Variants in CEP164 observed in about 807,000 individuals in gnomAD.
The protein encoded by CEP164 is centrosomal protein of 164 kDa.
CEP164 carries 162 observed loss-of-function variants against 182.7 expected under a neutral mutation model. That is an observed-to-expected ratio of 0.89 (90% CI 0.78 to 1.01). The LOEUF (loss-of-function observed/expected upper bound fraction) is 1.01, where lower values mean the gene tolerates loss of function less well. CEP164 is among the 50% of genes least tolerant of loss of function. The pLI, the probability that CEP164 is intolerant of heterozygous loss-of-function variation, is 0.00. For missense variants in CEP164, 1,735 were observed against 1,790.4 expected (o/e 0.97, Z 0.56); for synonymous variants, 661 against 690.0 (o/e 0.96, Z 0.66).
At chr11:117,392,811 C>T (rs1248025724) in intron 19 of CEP164, among the ~76,000 whole-genome samples, 184 bp downstream of exon 19, 1 of 152,128 alleles carries the variant, frequency 6.6e-6, no homozygotes, top group Non-Finnish European at 1.5e-5. Context: ...ATCTGATGCC[C>T]CTGTATGCAT....
In CEP164 at chr11:117,409,757, C is replaced by T. The variant is rs2047118133; in HGVS notation, c.3888C>T (p.Ser1296=). The T allele has an allele frequency of 8.7e-6, 14 of 1,613,942 alleles. No individual in the cohort carries two copies. The highest frequency in any genetic ancestry group is 1.7e-5 in the Admixed American group (1 of 60,008). Residue 1296 remains serine, a synonymous_variant, in exon 30 of 33, where the codon TCC becomes TCT. Coordinates refer to ENST00000278935, the MANE Select transcript of CEP164 (RefSeq NM_014956.5). The surrounding 1 kb of genome is among the most constrained non-coding windows in gnomAD (Gnocchi z 4.4). Reference sequence around the variant, plus strand: ...AGTCGCCGCCGCCGCTCCTCGCCTCCATGCCAGCCCAGCTCCCTCCCCGGG... The same window carrying T: ...AGTCGCCGCCGCCGCTCCTCGCCTCTATGCCAGCCCAGCTCCCTCCCCGGG... The part of the protein sequence containing the change: ...NPQSPPPLLA[S]MPAQLPPRDP...
At position 117,382,942 on chromosome 11, in the gene CEP164, T is replaced by C. The variant is rs1292081688; in HGVS notation, c.1724T>C (p.Val575Ala). The C allele has an allele frequency of 1.1e-5, 18 of 1,612,052 alleles. No individual in the cohort carries two copies. Among genetic ancestry groups the C allele is most frequent in the Non-Finnish European group, 1.5e-5 (18 of 1,179,288 alleles). Residue 575 changes from valine to alanine, a missense_variant and splice_region_variant, in exon 14 of 33, where the codon GTG becomes GCG. Val to Ala is a moderately conservative substitution (Grantham distance 64). Transcript: ENST00000278935. ...CCCACCCCGCCAGTCTCTCCAGAGG[T>C]GTAAGGGCCAGTTTTGTGTGTCTGT... ...VSPTPPVSPE[V>A]RSTEPVAPPE... is the part of the protein sequence containing the mutation.
chr11:117,365,279 G>A (rs1310752073), intron 8 of CEP164, among the ~76,000 whole-genome samples: 8 of 152,226 alleles, frequency 5.3e-5, no homozygotes, highest in Non-Finnish European at 1.2e-4. Context: ...AACATAGGAA[G>A]TGCTTGGGTA....
In CEP164 at chr11:117,371,454, A is replaced by G; in HGVS notation, c.1140A>G (p.Ser380=). 2 of 1,608,930 alleles carry G rather than the reference A, an allele frequency of 1.2e-6. No homozygotes were observed. Among genetic ancestry groups the G allele is most frequent in the Non-Finnish European group, 1.7e-6 (2 of 1,177,906 alleles). ...CTTCTGCTCTGGAAGAGGGCAGTTC[A>G]GACGCCAGCCAAGTAAGTCACTGTA... ...KKASALEEGS[S]DASQELEISE... Residue 380 remains serine, a synonymous_variant, in exon 9 of 33, where the codon TCA becomes TCG. Coordinates refer to ENST00000278935, the MANE Select transcript of CEP164 (RefSeq NM_014956.5).
At chr11:117,390,659 A>C in intron 15 of CEP164, 118 bp from the exon 16 acceptor site, 1 of 996,942 alleles carries the variant, frequency 1.0e-6, no homozygotes, top group Non-Finnish European at 1.5e-6. Flanking sequence ...AAAAAAAAAG[A>C]TTTAGGAAGT....
intron 5 of CEP164, among the ~76,000 whole-genome samples, chr11:117,358,784 C>T (rs2040597882): frequency 6.6e-6 from 1 of 152,070 alleles, no homozygotes; most frequent in Non-Finnish European, 1.5e-5. Flanking sequence ...ATCCTCCTGC[C>T]TTGGCTTCCG....
upstream of CEP164, among the ~76,000 whole-genome samples, chr11:117,324,727 C>T (rs1168264327): frequency 6.6e-6 from 1 of 152,010 alleles, no homozygotes; most frequent in Admixed American, 6.6e-5. Flanking sequence ...CAGGGCTGGG[C>T]GTGGTGGCTC....
At chr11:117,332,508 G>A (rs1311446460) in intron 1 of CEP164, among the ~76,000 whole-genome samples, 7 of 152,052 alleles carry the variant, frequency 4.6e-5, no homozygotes, top group African/African-American at 1.7e-4. Flanking sequence ...CCCAGGAGGC[G>A]GAGGTTGCAG....
intron 14 of CEP164, 162 bp from the exon 15 acceptor site, chr11:117,387,041 T>C: frequency 1.5e-6 from 1 of 657,436 alleles, no homozygotes; most frequent in East Asian, 2.6e-5. Flanking sequence ...GGAACAAGCA[T>C]TGACTGTATC....
At chr11:117,357,226 C>T (rs2040408625) in intron 5 of CEP164, among the ~76,000 whole-genome samples, 1 of 150,970 alleles carries the variant, frequency 6.6e-6, no homozygotes, top group African/African-American at 2.4e-5. Flanking sequence ...CGTGCCTCAG[C>T]CCCTCAAATA....
At chr11:117,405,414 C>T (rs2046563782) in intron 27 of CEP164, among the ~76,000 whole-genome samples, 1 of 152,156 alleles carries the variant, frequency 6.6e-6, no homozygotes, top group Admixed American at 6.5e-5. Context: ...AGGGAGTTCC[C>T]TGACCCCTTG....
intron 11 of CEP164, 134 bp downstream of exon 11, chr11:117,375,925 A>T (rs542247678): frequency 6.8e-6 from 5 of 736,396 alleles, no homozygotes; most frequent in Non-Finnish European, 9.4e-6. Context: ...TCATTAAGGC[A>T]TGGTCCTGAC....
At chr11:117,363,551 T>A in intron 8 of CEP164, 45 bp downstream of exon 8, 3 of 1,385,212 alleles carry the variant, frequency 2.2e-6, no homozygotes, top group Non-Finnish European at 3.1e-6. Context: ...GCCTGGCATA[T>A]CCCTCCTGTT....
At chr11:117,361,767 A>G (rs918032175) in intron 5 of CEP164, 68 bp from the exon 6 acceptor site, 20 of 1,528,948 alleles carry the variant, frequency 1.3e-5, no homozygotes, top group Non-Finnish European at 1.8e-5. Flanking sequence ...TTATTTTTAT[A>G]TCTGTCTCCG....
In CEP164 at chr11:117,393,029, G is replaced by A. The variant is rs201901144; in HGVS notation, c.2519G>A (p.Arg840His). 25 of 1,613,424 alleles carry A rather than the reference G, an allele frequency of 1.5e-5. 1 individual carries two copies. The highest frequency in any genetic ancestry group is 3.3e-4 in the Middle Eastern group (2 of 6,076). ...CTCAGCAGTCTCCTGCGAGAGAAGC[G>A]CCAGGAAGTGGAAGGGGAGCATGAG... is the stretch of plus-strand genomic sequence containing the variant. ...HELSSLLREKRQEVEGEHERR... is the reference protein window; with the variant it reads ...HELSSLLREKHQEVEGEHERR... Residue 840 changes from arginine (R) to histidine (H), a missense_variant, in exon 20 of 33, where the codon CGC becomes CAC. By Grantham distance (29) the Arg-to-His change is conservative. Transcript: ENST00000278935.
chr11:117,383,352 T>C (rs139829509), intron 14 of CEP164, among the ~76,000 whole-genome samples: 1 of 152,334 alleles, frequency 6.6e-6, no homozygotes, highest in East Asian at 1.9e-4. Context: ...CTGTGCACAC[T>C]GTATAATGGC....
chr11:117,322,653 G>T (rs4936370), intron 1 of CEP164, among the ~76,000 whole-genome samples: 38,814 of 150,770 alleles, frequency 0.26, 5,077 homozygotes, highest in African/African-American at 0.27. Context: ...CCTCCCGGGT[G>T]CAAGTGATTC....
chr11:117,397,233 G>GAGCT lies in CEP164; in HGVS notation c.3422_3425dup (p.Ser1144GlyfsTer32). The GAGCT allele has an allele frequency of 6.2e-7, 1 of 1,614,256 alleles. No homozygotes were observed. The highest frequency in any genetic ancestry group is 8.5e-7 in the Non-Finnish European group (1 of 1,180,054). On this transcript the variant is annotated frameshift_variant, in exon 27 of 33. Coordinates refer to ENST00000278935, the MANE Select transcript of CEP164 (RefSeq NM_014956.5). LOFTEE classifies it high-confidence loss of function. ...AGCTGCCCAGCAGCATTGGCGCCAT[G>GAGCT]AGCTGGCCAGTGCGCAGGAGGTGGC...
intron 28 of CEP164, 87 bp downstream of exon 28, chr11:117,408,119 C>A (rs980823915): frequency 3.9e-6 from 4 of 1,017,938 alleles, no homozygotes; most frequent in Non-Finnish European, 5.8e-6. Flanking sequence ...GTCCTGCATC[C>A]GGGGGAGTTG....
Sources: gnomAD v4.1 joint callset for allele counts (sites outside exome capture counted in the v4.1 genomes callset) on GRCh38, gnomAD v4.1.1 for gene constraint, Gnocchi (gnomAD v3.1) non-coding constraint, MANE v1.5 for transcripts, NCBI Gene and HGNC (gene_info 2026-07-23, HGNC 2026-07-21) for gene names.